The following GPHN variants were observed in gnomAD, a reference collection of about 807,000 sequenced individuals.
The protein encoded by GPHN is gephyrin.
In GPHN, 17 loss-of-function variants were observed where a neutral mutation model predicts 95.5. The observed-to-expected ratio is 0.18, with a 90% CI of 0.12 to 0.27. GPHN has a LOEUF of 0.27. GPHN is among the 10% of genes least tolerant of loss of function. GPHN has a pLI of 1.00. For missense variants in GPHN, 660 were observed against 978.1 expected, an observed-to-expected ratio of 0.67 and a Z score of 4.34; for synonymous variants, 320 against 322.5, an observed-to-expected ratio of 0.99 and a Z score of 0.08.
At chr14:67,331,804 T>C in the GPHN span, among the ~76,000 whole-genome samples, 1 of 152,312 alleles carries the variant, frequency 6.6e-6, no homozygotes, top group Admixed American at 6.5e-5. Flanking sequence ...GTTCTTCCAA[T>C]AATCTTGAGC....
intron 6 of GPHN, 68 bp from the exon 7 acceptor site, chr14:66,922,598 A>T: frequency 8.0e-7 from 1 of 1,252,406 alleles, no homozygotes; most frequent in Non-Finnish European, 1.1e-6. Flanking sequence ...AAACAGTTTG[A>T]TTGCCACCAT....
At chr14:67,128,797 T>C (rs1595279158) in intron 17 of GPHN, among the ~76,000 whole-genome samples, 2 of 149,498 alleles carry the variant, frequency 1.3e-5, no homozygotes, top group Admixed American at 1.3e-4. Context: ...TAGCCGGGCG[T>C]GGCGGTGGGC....
At chr14:67,036,291 CT>C (rs539721319) in intron 10 of GPHN, among the ~76,000 whole-genome samples, 1,987 of 142,964 alleles carry the variant, frequency 0.014, 37 homozygotes, top group African/African-American at 0.041. Flanking sequence ...AAACTGGAAG[CT>C]TTTTTTTTTT....
At chr14:67,670,138 G>A in the GPHN span, among the ~76,000 whole-genome samples, 1 of 152,118 alleles carries the variant, frequency 6.6e-6, no homozygotes, top group African/African-American at 2.4e-5. Flanking sequence ...CTGCCCAAAA[G>A]GCTCTTAACA....
At chr14:66,949,462 T>C (rs2067961647) in intron 8 of GPHN, among the ~76,000 whole-genome samples, 1 of 152,182 alleles carries the variant, frequency 6.6e-6, no homozygotes. Context: ...ATAGGATTTA[T>C]AGAAAATGCA....
At chr14:66,541,006 G>A (rs1463684101) in intron 1 of GPHN, among the ~76,000 whole-genome samples, 2 of 151,702 alleles carry the variant, frequency 1.3e-5, no homozygotes, top group African/African-American at 4.8e-5. Context: ...GGAGTGCAGT[G>A]GCACGATCTT....
At chr14:66,627,078 T>C (rs141985277) in intron 1 of GPHN, among the ~76,000 whole-genome samples, 2,080 of 152,094 alleles carry the variant, frequency 0.014, 25 homozygotes, top group Middle Eastern at 0.02. Context: ...TAGATAGCAA[T>C]ATATGACTCT....
At chr14:67,298,511 G>A in the GPHN span, among the ~76,000 whole-genome samples, 46 of 129,138 alleles carry the variant, frequency 3.6e-4, 1 homozygote, top group South Asian at 6.2e-3. Context: ...GTGAAACTCC[G>A]TCTCAAAAAA....
chr14:67,254,899 C>T, the GPHN span, among the ~76,000 whole-genome samples: 1 of 152,168 alleles, frequency 6.6e-6, no homozygotes, highest in African/African-American at 2.4e-5. Flanking sequence ...ACCTGTAATC[C>T]CAGCACTTTG....
At chr14:66,897,583 A>G (rs1314018564) in intron 5 of GPHN, among the ~76,000 whole-genome samples, 1 of 152,102 alleles carries the variant, frequency 6.6e-6, no homozygotes, top group Non-Finnish European at 1.5e-5. Context: ...AGAACCATAC[A>G]GTATGTAGCC....
intron 9 of GPHN, among the ~76,000 whole-genome samples, chr14:67,010,537 G>A (rs974140762): frequency 7.0e-6 from 1 of 142,640 alleles, no homozygotes; most frequent in African/African-American, 2.6e-5. Context: ...GGGCAACAGA[G>A]CGAGACTCTG....
the GPHN span, among the ~76,000 whole-genome samples, chr14:67,288,227 G>A: frequency 6.6e-6 from 1 of 152,050 alleles, no homozygotes; most frequent in Non-Finnish European, 1.5e-5. Flanking sequence ...CTTTAGACAT[G>A]TGCCACCACA....
chr14:67,391,155 T>A, the GPHN span, among the ~76,000 whole-genome samples: 1 of 152,104 alleles, frequency 6.6e-6, no homozygotes, highest in Non-Finnish European at 1.5e-5. Flanking sequence ...ACATGTATAT[T>A]TGTCAGTCTA....
At chr14:67,274,427 A>G in the GPHN span, among the ~76,000 whole-genome samples, 9 of 151,942 alleles carry the variant, frequency 5.9e-5, no homozygotes, top group East Asian at 3.9e-4. Context: ...AGATCAGATG[A>G]TTGTAGATGT....
the GPHN span, among the ~76,000 whole-genome samples, chr14:67,450,981 G>A: frequency 6.6e-6 from 1 of 152,232 alleles, no homozygotes; most frequent in East Asian, 1.9e-4. Flanking sequence ...CCCCCGTGCT[G>A]TGTGCAGCCT....
At chr14:67,569,833 G>C in the GPHN span, 1 of 813,314 alleles carries the variant, frequency 1.2e-6, no homozygotes, top group Non-Finnish European at 2.1e-6. Flanking sequence ...CTCCTGGAGG[G>C]AATGCCATCT....
At chr14:67,693,012 G>A in the GPHN span, 1 of 1,614,108 alleles carries the variant, frequency 6.2e-7, no homozygotes, top group South Asian at 1.1e-5. Context: ...TTCCCAGGAA[G>A]CTGAACAGTT....
intron 9 of GPHN, among the ~76,000 whole-genome samples, chr14:66,978,578 C>A (rs2070417918): frequency 6.6e-6 from 1 of 152,098 alleles, no homozygotes; most frequent in Non-Finnish European, 1.5e-5. Context: ...CAACTTCAGG[C>A]TCCCCTTCTA....
At chr14:66,629,697 G>T (rs72726424) in intron 1 of GPHN, among the ~76,000 whole-genome samples, 8,827 of 152,190 alleles carry the variant, frequency 0.058, 357 homozygotes, top group Middle Eastern at 0.099. Context: ...CCACAGTCAT[G>T]TAGGAATGCC....
Sources: allele counts gnomAD v4.1 joint callset (sites outside exome capture counted in the v4.1 genomes callset), GRCh38; gene constraint gnomAD v4.1.1; transcripts MANE v1.5; gene names NCBI Gene and HGNC (gene_info 2026-07-23, HGNC 2026-07-21).